The following TP63 variants were observed in gnomAD, a reference collection of about 807,000 sequenced individuals.
TP63 encodes the protein tumor protein p63.
A neutral mutation model predicts 82.8 loss-of-function variants in TP63; 17 were observed. That is an observed-to-expected ratio of 0.21 (90% CI 0.14 to 0.31). TP63 has a LOEUF of 0.31. Among genes scored for constraint, TP63 ranks in the 10% least tolerant of loss-of-function variants. The pLI, the probability that TP63 is intolerant of heterozygous loss-of-function variation, is 1.00. For missense variants in TP63, 648 were observed against 895.3 expected (o/e 0.72, Z 3.52); for synonymous variants, 330 against 321.7 (o/e 1.03, Z -0.28).
At chr3:189,777,949 G>A (rs368610035) in intron 3 of TP63, among the ~76,000 whole-genome samples, 1 of 146,962 alleles carries the variant, frequency 6.8e-6, no homozygotes, top group Non-Finnish European at 1.5e-5. Flanking sequence ...TCCGTCTTCC[G>A]GGTTCAAGTG....
intron 11 of TP63, among the ~76,000 whole-genome samples, chr3:189,887,762 A>G (rs1720604111): frequency 6.6e-6 from 1 of 152,124 alleles, no homozygotes; most frequent in African/African-American, 2.4e-5. Context: ...TCAAACCTCT[A>G]AACGAGCATT....
chr3:189,716,161 T>C (rs952145591), intron 1 of TP63, among the ~76,000 whole-genome samples: 54 of 152,200 alleles, frequency 3.5e-4, no homozygotes, highest in Admixed American at 2.0e-3. Context: ...TTTCTAAAAG[T>C]CATGTTCCTA....
At chr3:189,630,344 T>C (rs1729413951), upstream of TP63, among the ~76,000 whole-genome samples, 1 of 151,914 alleles carries the variant, frequency 6.6e-6, no homozygotes. Flanking sequence ...TTCTGAATCA[T>C]ATTTCATTCA....
At chr3:189,628,389 G>A (rs1315076405), upstream of TP63, among the ~76,000 whole-genome samples, 2 of 152,144 alleles carry the variant, frequency 1.3e-5, no homozygotes, top group Non-Finnish European at 2.9e-5. Flanking sequence ...TTTCATGAAT[G>A]TAAGTGAGAA....
rs760458188 is a variant in TP63, at chr3:189,689,098, CTTTTTCTTTTTTTTT to C, written c.63-48636_63-48622del. Among the ~76,000 whole-genome samples, 35 of 85,152 alleles carry C rather than the reference CTTTTTCTTTTTTTTT, an allele frequency of 4.1e-4. 1 individual carries two copies. Among genetic ancestry groups the C allele is most frequent in the East Asian group, 1.4e-3 (3 of 2,102 alleles). 55.9% of individuals were successfully genotyped at this position (85,152 alleles called of 152,430 possible). A position where few individuals can be genotyped will look rare whatever the true frequency, so the allele number is the denominator to read the frequency against. ...CAGAGTGGCCAGCATTCAAATCTAC[CTTTTTCTTTTTTTTT>C]TTTTTTTTTTTTTTTTTTTTTGAGA... On this transcript the variant is annotated intron_variant, in intron 1 of 13. Transcript: ENST00000264731.
chr3:189,682,840 TCTAGA>T (rs1243284252), intron 1 of TP63, among the ~76,000 whole-genome samples: 1 of 151,990 alleles, frequency 6.6e-6, no homozygotes, highest in East Asian at 1.9e-4. Context: ...AAAATTTACT[TCTAGA>T]CTAGAACTCT....
chr3:189,707,423 G>A (rs973642738), intron 1 of TP63, among the ~76,000 whole-genome samples: 1 of 152,094 alleles, frequency 6.6e-6, no homozygotes, highest in Non-Finnish European at 1.5e-5. Context: ...AATTGTAGGT[G>A]AATTATATAC....
intron 3 of TP63, among the ~76,000 whole-genome samples, chr3:189,757,061 A>G (rs745947626): frequency 3.3e-5 from 5 of 152,176 alleles, no homozygotes; most frequent in Non-Finnish European, 7.4e-5. Flanking sequence ...ATACATACAT[A>G]TATATATAGT....
the TP63 span, among the ~76,000 whole-genome samples, chr3:189,614,289 T>C: frequency 6.6e-6 from 1 of 152,204 alleles, no homozygotes; most frequent in African/African-American, 2.4e-5. Context: ...GATGGATTTG[T>C]CAAGGGTTTT....
intron 4 of TP63, among the ~76,000 whole-genome samples, chr3:189,812,567 A>T (rs935066797): frequency 6.6e-6 from 1 of 152,208 alleles, no homozygotes; most frequent in East Asian, 1.9e-4. Context: ...TCAGATTTCA[A>T]CTCGGAAACT....
chr3:189,774,104 A>G (rs889277631), intron 3 of TP63, among the ~76,000 whole-genome samples: 3 of 151,646 alleles, frequency 2.0e-5, no homozygotes, highest in African/African-American at 7.3e-5. Context: ...TTGTATTTTT[A>G]GTAGAGACGG....
At chr3:189,692,844 C>G (rs1717294393) in intron 1 of TP63, among the ~76,000 whole-genome samples, 1 of 152,162 alleles carries the variant, frequency 6.6e-6, no homozygotes, top group Admixed American at 6.5e-5. Flanking sequence ...TGTCTTTTCT[C>G]TCTCCTTCAG....
At chr3:189,720,956 C>A (rs1351626480) in intron 1 of TP63, among the ~76,000 whole-genome samples, 1 of 152,098 alleles carries the variant, frequency 6.6e-6, no homozygotes, top group Non-Finnish European at 1.5e-5. Context: ...AGGGGTGAGG[C>A]CAGAGGGCCT....
At chr3:189,601,457 G>C in the TP63 span, among the ~76,000 whole-genome samples, 1 of 152,014 alleles carries the variant, frequency 6.6e-6, no homozygotes, top group South Asian at 2.1e-4. Flanking sequence ...GAACCTCCCT[G>C]GAACCCTAAA....
intron 13 of TP63, among the ~76,000 whole-genome samples, chr3:189,893,902 G>T (rs1721262420): frequency 6.6e-6 from 1 of 151,980 alleles, no homozygotes; most frequent in Non-Finnish European, 1.5e-5. Flanking sequence ...GGTACCTCAT[G>T]TTTCTATTTG....
At chr3:189,660,790 A>G (rs2108652846) in intron 1 of TP63, among the ~76,000 whole-genome samples, 1 of 151,778 alleles carries the variant, frequency 6.6e-6, no homozygotes. Flanking sequence ...CTTCGATGTT[A>G]GATGTAGTCC....
intron 1 of TP63, among the ~76,000 whole-genome samples, chr3:189,709,996 A>G (rs1171838511): frequency 1.3e-5 from 2 of 152,202 alleles, no homozygotes; most frequent in Non-Finnish European, 2.9e-5. Flanking sequence ...CACTGTAACC[A>G]TATCATTTAC....
intron 4 of TP63, among the ~76,000 whole-genome samples, chr3:189,863,834 C>T (rs900505222): frequency 1.3e-5 from 2 of 152,138 alleles, no homozygotes; most frequent in Non-Finnish European, 2.9e-5. Flanking sequence ...AGAAATCTGT[C>T]TTTGTGGTTG....
At chr3:189,812,578 T>TA (rs1292819960) in intron 4 of TP63, among the ~76,000 whole-genome samples, 1 of 152,182 alleles carries the variant, frequency 6.6e-6, no homozygotes, top group African/African-American at 2.4e-5. Flanking sequence ...CTCGGAAACT[T>TA]ACTAACAGCA....
Sources: gnomAD v4.1 joint callset for allele counts (sites outside exome capture counted in the v4.1 genomes callset) on GRCh38, gnomAD v4.1.1 for gene constraint, MANE v1.5 for transcripts, NCBI Gene and HGNC (gene_info 2026-07-23, HGNC 2026-07-21) for gene names.